The following SLC24A2 variants were observed in gnomAD, a reference collection of about 807,000 sequenced individuals.
The protein encoded by SLC24A2 is sodium/potassium/calcium exchanger 2.
Under a neutral mutation model 62.0 loss-of-function variants are expected in SLC24A2, and 36 were observed. That is an observed-to-expected ratio of 0.58 (90% confidence interval 0.44 to 0.77). The LOEUF (loss-of-function observed/expected upper bound fraction) is 0.77. Among genes scored for constraint, SLC24A2 ranks in the 30% least tolerant of loss-of-function variants. The probability of loss-of-function intolerance (pLI) is 0.00; values close to 1 mark genes in which losing one functional copy is unlikely to be tolerated. For missense variants in SLC24A2, 846 were observed against 817.9 expected, an observed-to-expected ratio of 1.03 and a Z score of -0.42; for synonymous variants, 358 against 294.0, an observed-to-expected ratio of 1.22 and a Z score of -2.23.
chr9:19,831,051 A>G, the SLC24A2 span, among the ~76,000 whole-genome samples: 1 of 152,176 alleles, frequency 6.6e-6, no homozygotes, highest in Non-Finnish European at 1.5e-5. Flanking sequence ...GAAAGGCAAA[A>G]GAATGCCTCC....
chr9:19,763,524 G>A (rs1291184780), intron 2 of SLC24A2, among the ~76,000 whole-genome samples: 1 of 152,094 alleles, frequency 6.6e-6, no homozygotes. Context: ...AAGCATGAAG[G>A]GGTGTTGAAT....
At chr9:20,127,595 T>A in the SLC24A2 span, among the ~76,000 whole-genome samples, 1 of 151,990 alleles carries the variant, frequency 6.6e-6, no homozygotes, top group South Asian at 2.1e-4. Context: ...GTAAAACATT[T>A]AATGTGCAGG....
the SLC24A2 span, among the ~76,000 whole-genome samples, chr9:19,812,039 C>T: frequency 2.6e-5 from 4 of 152,066 alleles, no homozygotes; most frequent in African/African-American, 9.7e-5. Flanking sequence ...ACTGGATATA[C>T]AGTTTTAGAC....
At chr9:19,717,995 A>T (rs867246146) in intron 2 of SLC24A2, among the ~76,000 whole-genome samples, 134 of 104,414 alleles carry the variant, frequency 1.3e-3, no homozygotes, top group African/African-American at 3.3e-3. Context: ...TTTTTTTTTT[A>T]AAACGGAGTC....
chr9:19,547,651 T>C (rs1210064637), intron 8 of SLC24A2, among the ~76,000 whole-genome samples: 3 of 151,574 alleles, frequency 2.0e-5, no homozygotes, highest in Non-Finnish European at 4.4e-5. Context: ...TTCCTGCACA[T>C]CTTCCTGAGT....
At chr9:19,988,241 C>T in the SLC24A2 span, among the ~76,000 whole-genome samples, 1 of 152,188 alleles carries the variant, frequency 6.6e-6, no homozygotes, top group Non-Finnish European at 1.5e-5. Context: ...TCTCCCATTC[C>T]AATTTAATTC....
chr9:19,856,461 T>C, the SLC24A2 span, among the ~76,000 whole-genome samples: 1 of 152,126 alleles, frequency 6.6e-6, no homozygotes. Context: ...GACCTTTGGA[T>C]GGGGTTTTTG....
chr9:19,546,352 G>A (rs1276501689), intron 8 of SLC24A2, among the ~76,000 whole-genome samples: 1 of 152,208 alleles, frequency 6.6e-6, no homozygotes, highest in South Asian at 2.1e-4. Context: ...TATGTTTGGG[G>A]GTACTGCCTT....
chr9:19,959,979 T>C, the SLC24A2 span, among the ~76,000 whole-genome samples: 5 of 152,322 alleles, frequency 3.3e-5, no homozygotes, highest in East Asian at 9.6e-4. Context: ...TTAATAATTA[T>C]ATTTTCATAG....
chr9:20,187,790 A>G, the SLC24A2 span, among the ~76,000 whole-genome samples: 12 of 152,106 alleles, frequency 7.9e-5, no homozygotes, highest in African/African-American at 2.9e-4. Flanking sequence ...ATAATTAATC[A>G]TCTGTTTATG....
At chr9:20,307,098 C>T in the SLC24A2 span, among the ~76,000 whole-genome samples, 1 of 152,058 alleles carries the variant, frequency 6.6e-6, no homozygotes, top group Non-Finnish European at 1.5e-5. Context: ...TTGTTTACAT[C>T]GATCTTTAAA....
the SLC24A2 span, among the ~76,000 whole-genome samples, chr9:20,079,198 G>C: frequency 1.3e-5 from 2 of 152,180 alleles, no homozygotes; most frequent in Non-Finnish European, 2.9e-5. Context: ...GAGGCAAGGA[G>C]GGATGAGAGC....
At chr9:19,754,995 C>A (rs143168504) in intron 2 of SLC24A2, among the ~76,000 whole-genome samples, 17 of 152,170 alleles carry the variant, frequency 1.1e-4, no homozygotes, top group Non-Finnish European at 1.8e-4. Flanking sequence ...TTTCTGCAAC[C>A]GAGCCTAGAC....
chr9:19,667,924 G>A (rs1023907585), intron 2 of SLC24A2, among the ~76,000 whole-genome samples: 2 of 152,142 alleles, frequency 1.3e-5, no homozygotes, highest in African/African-American at 4.8e-5. Context: ...AGACTTCTGG[G>A]ACTTTTCCTT....
chr9:20,073,992 A>G, the SLC24A2 span, among the ~76,000 whole-genome samples: 1 of 150,814 alleles, frequency 6.6e-6, no homozygotes, highest in Admixed American at 6.6e-5. Context: ...ATTGTTCTGA[A>G]GATTAGGAAT....
chr9:20,242,321 G>A, the SLC24A2 span, among the ~76,000 whole-genome samples: 445 of 152,312 alleles, frequency 2.9e-3, 2 homozygotes, highest in African/African-American at 0.01. Flanking sequence ...ACTTAAAATA[G>A]CTAACTAAAG....
the SLC24A2 span, among the ~76,000 whole-genome samples, chr9:19,856,952 G>A: frequency 6.6e-6 from 1 of 152,156 alleles, no homozygotes; most frequent in Non-Finnish European, 1.5e-5. Context: ...GACCACCACC[G>A]CCATGTGGGC....
chr9:20,155,998 C>T, the SLC24A2 span, among the ~76,000 whole-genome samples: 3 of 151,652 alleles, frequency 2.0e-5, no homozygotes, highest in Non-Finnish European at 4.4e-5. Context: ...AATTAGAATA[C>T]TTCATCTTTT....
At chr9:19,716,468 G>C (rs1046508258) in intron 2 of SLC24A2, among the ~76,000 whole-genome samples, 5 of 152,206 alleles carry the variant, frequency 3.3e-5, no homozygotes, top group African/African-American at 1.2e-4. Context: ...TTAACTACAT[G>C]TATGAAGGCT....
Sources: allele counts gnomAD v4.1 joint callset (sites outside exome capture counted in the v4.1 genomes callset), GRCh38; gene constraint gnomAD v4.1.1; transcripts MANE v1.5; gene names NCBI Gene and HGNC (gene_info 2026-07-23, HGNC 2026-07-21).